The following ADCK1 variants were observed in gnomAD, a reference collection of about 807,000 sequenced individuals.
ADCK1 encodes aarF domain-containing protein kinase 1.
ADCK1 carries 41 observed loss-of-function variants against 52.3 expected under a neutral mutation model. That is an observed-to-expected ratio of 0.78 (90% CI 0.61 to 1.02). The LOEUF is 1.02. ADCK1 is among the 50% of genes least tolerant of loss of function. ADCK1 has a pLI of 0.00. For synonymous variants in ADCK1, 250 were observed against 274.6 expected (o/e 0.91, Z 0.89); for missense variants, 658 against 679.5 (o/e 0.97, Z 0.35).
chr14:77,877,125 G>A (rs112841780), intron 4 of ADCK1, among the ~76,000 whole-genome samples: 1 of 152,220 alleles, frequency 6.6e-6, no homozygotes, highest in African/African-American at 2.4e-5. Context: ...TGAGGCAAGA[G>A]AATCACTTGC....
chr14:77,895,429 A>G (rs989439792), intron 5 of ADCK1, among the ~76,000 whole-genome samples: 1 of 152,228 alleles, frequency 6.6e-6, no homozygotes, highest in African/African-American at 2.4e-5. Context: ...TCATTCATTC[A>G]TGTGAGTATT....
chr14:77,868,708 G>A (rs2082713814), intron 4 of ADCK1, among the ~76,000 whole-genome samples: 1 of 152,106 alleles, frequency 6.6e-6, no homozygotes, highest in Non-Finnish European at 1.5e-5. Context: ...CAGATAAAAG[G>A]CCTCAACCCA....
At chr14:77,816,941 G>A (rs1190233221) in intron 1 of ADCK1, among the ~76,000 whole-genome samples, 1 of 144,436 alleles carries the variant, frequency 6.9e-6, no homozygotes, top group Non-Finnish European at 1.5e-5. Flanking sequence ...ATAAGTCAAA[G>A]TAGACTTTAA....
chr14:77,871,741 AGG>A (rs2082782844), intron 4 of ADCK1, among the ~76,000 whole-genome samples: 2 of 152,270 alleles, frequency 1.3e-5, no homozygotes, highest in African/African-American at 4.8e-5. Flanking sequence ...CAGGAGCTGA[AGG>A]GGAGGTCTGA....
At chr14:77,878,722 C>T (rs1197647678) in intron 4 of ADCK1, among the ~76,000 whole-genome samples, 1 of 152,152 alleles carries the variant, frequency 6.6e-6, no homozygotes, top group Non-Finnish European at 1.5e-5. Flanking sequence ...TCTCTTTTAC[C>T]CTAGAGATCT....
At chr14:77,842,402 A>G (rs1258733311) in intron 3 of ADCK1, among the ~76,000 whole-genome samples, 1 of 148,888 alleles carries the variant, frequency 6.7e-6, no homozygotes, top group Non-Finnish European at 1.5e-5. Flanking sequence ...TGTCTCTCTG[A>G]GGTTAGAGTG....
chr14:77,838,768 G>T (rs1324662311), intron 3 of ADCK1, among the ~76,000 whole-genome samples: 1 of 152,216 alleles, frequency 6.6e-6, no homozygotes, highest in Non-Finnish European at 1.5e-5. Flanking sequence ...GATGAAGGGG[G>T]ATGTCTCTCT....
Position 77,933,635 on chromosome 14 carries a change from C to T in ADCK1, c.*244C>T. 4.0e-6 allele frequency: 2 copies of T among 498,582 alleles called. No homozygotes were observed. Among genetic ancestry groups the T allele is most frequent in the Non-Finnish European group, 7.1e-6 (2 of 280,062 alleles). The allele number at this position is 498,582 out of a possible 1,614,324, so 30.9% of individuals were successfully genotyped here. On this transcript the variant is annotated 3_prime_UTR_variant, in exon 11 of 11. Transcript: ENST00000238561. ...CCAAGAAGACTCAGCAGCCTACATT[C>T]CCATTCCTGGTATGTGCCATTGGGT...
At chr14:77,857,164 C>T (rs899797956) in intron 3 of ADCK1, among the ~76,000 whole-genome samples, 4 of 151,428 alleles carry the variant, frequency 2.6e-5, no homozygotes, top group African/African-American at 7.3e-5. Context: ...TGAGCAGCAG[C>T]GATCTGGGCG....
chr14:77,810,497 T>C (rs1464324363), intron 1 of ADCK1, among the ~76,000 whole-genome samples: 1 of 151,538 alleles, frequency 6.6e-6, no homozygotes, highest in African/African-American at 2.4e-5. Context: ...CTGCAAGGAG[T>C]TGTGACTTAC....
intron 3 of ADCK1, among the ~76,000 whole-genome samples, chr14:77,854,976 T>C (rs1459325988): frequency 3.9e-5 from 6 of 152,220 alleles, no homozygotes. Context: ...CATCATTAGG[T>C]AGTAGACAAG....
chr14:77,906,496 G>A (rs2083668831), intron 6 of ADCK1, among the ~76,000 whole-genome samples: 2 of 152,136 alleles, frequency 1.3e-5, no homozygotes, highest in South Asian at 4.1e-4. Flanking sequence ...GTCAGAGAGG[G>A]TTGGAGAGTG....
At chr14:77,898,292 T>C (rs894886667) in intron 5 of ADCK1, among the ~76,000 whole-genome samples, 1 of 152,160 alleles carries the variant, frequency 6.6e-6, no homozygotes, top group Non-Finnish European at 1.5e-5. Flanking sequence ...ATAAGATGTG[T>C]ATCTGTGTGC....
chr14:77,889,095 G>GT, intron 5 of ADCK1, among the ~76,000 whole-genome samples: 1 of 152,322 alleles, frequency 6.6e-6, no homozygotes, highest in South Asian at 2.1e-4. Context: ...CTGCCACCAT[G>GT]TAAGATGTGC....
At chr14:77,816,416 C>G (rs1463296200) in intron 1 of ADCK1, among the ~76,000 whole-genome samples, 3 of 96,676 alleles carry the variant, frequency 3.1e-5, no homozygotes, top group Admixed American at 1.2e-4. Flanking sequence ...TCTTTCCCCA[C>G]CTTTCTGATT....
intron 3 of ADCK1, among the ~76,000 whole-genome samples, chr14:77,842,162 T>A (rs572109357): frequency 9.2e-5 from 14 of 152,308 alleles, no homozygotes; most frequent in South Asian, 4.1e-4. Context: ...TATTATTATT[T>A]TTTTTGCTGA....
chr14:77,808,351 A>G (rs28803784), intron 1 of ADCK1, among the ~76,000 whole-genome samples: 4,453 of 152,128 alleles, frequency 0.029, 212 homozygotes, highest in African/African-American at 0.099. Flanking sequence ...GTGCAGGTTG[A>G]TGGGGTGATT....
At chr14:77,812,645 A>G (rs911939745) in intron 1 of ADCK1, among the ~76,000 whole-genome samples, 1 of 152,106 alleles carries the variant, frequency 6.6e-6, no homozygotes, top group East Asian at 1.9e-4. Flanking sequence ...GCTGGAGTGC[A>G]GTAGCGTGAT....
At chr14:77,818,058 A>C (rs1013754575) in intron 1 of ADCK1, among the ~76,000 whole-genome samples, 1 of 151,988 alleles carries the variant, frequency 6.6e-6, no homozygotes, top group African/African-American at 2.4e-5. Flanking sequence ...GTCTTCTCTA[A>C]CCAAAGTAAA....
Sources: allele counts gnomAD v4.1 joint callset (sites outside exome capture counted in the v4.1 genomes callset), GRCh38; gene constraint gnomAD v4.1.1; transcripts MANE v1.5; gene names NCBI Gene and HGNC (gene_info 2026-07-23, HGNC 2026-07-21).